BRINP1: variants seen among roughly 807,000 people sequenced by gnomAD.
BRINP1 encodes the protein BMP/retinoic acid-inducible neural-specific protein 1.
BRINP1 carries 17 observed loss-of-function variants against 72.9 expected under a neutral mutation model. That is an observed-to-expected ratio of 0.23 (90% CI 0.16 to 0.35). BRINP1 has a LOEUF of 0.35. BRINP1 is among the 10% of genes least tolerant of loss of function. BRINP1 has a pLI of 1.00. For synonymous variants in BRINP1, 418 were observed against 378.5 expected (o/e 1.10, Z -1.21); for missense variants, 850 against 1,001.6 (o/e 0.85, Z 2.04).
intron 5 of BRINP1, among the ~76,000 whole-genome samples, chr9:119,217,093 C>T (rs1294475666): frequency 2.0e-5 from 3 of 152,128 alleles, no homozygotes; most frequent in South Asian, 2.1e-4. Context: ...TCTACGGCAG[C>T]GGAGGTTCAC....
chr9:119,302,206 T>G (rs1337081334), intron 2 of BRINP1, among the ~76,000 whole-genome samples: 1 of 152,202 alleles, frequency 6.6e-6, no homozygotes, highest in Non-Finnish European at 1.5e-5. Context: ...AATACATTCC[T>G]TTCAATGTTA....
chr9:119,330,372 A>G (rs1329782019), intron 1 of BRINP1, among the ~76,000 whole-genome samples: 2 of 152,134 alleles, frequency 1.3e-5, no homozygotes, highest in African/African-American at 4.8e-5. Context: ...AACTTCTTAC[A>G]GTTGCCTCAA....
At chr9:119,271,827 C>A (rs1345699395) in intron 2 of BRINP1, among the ~76,000 whole-genome samples, 1 of 151,340 alleles carries the variant, frequency 6.6e-6, no homozygotes, top group Non-Finnish European at 1.5e-5. Flanking sequence ...AAATTTATTT[C>A]TGGAGAGAAT....
intron 1 of BRINP1, among the ~76,000 whole-genome samples, chr9:119,344,408 A>T (rs1831432057): frequency 6.6e-6 from 1 of 152,224 alleles, no homozygotes; most frequent in Non-Finnish European, 1.5e-5. Flanking sequence ...CTGCACTGTA[A>T]GCTCCTTAAA....
chr9:119,303,079 G>A (rs1830955954), intron 2 of BRINP1, among the ~76,000 whole-genome samples: 1 of 151,998 alleles, frequency 6.6e-6, no homozygotes, highest in Non-Finnish European at 1.5e-5. Flanking sequence ...CATATCATTT[G>A]TATTTACCTA....
At chr9:119,187,115 C>T (rs957852893) in intron 7 of BRINP1, among the ~76,000 whole-genome samples, 3 of 151,734 alleles carry the variant, frequency 2.0e-5, no homozygotes, top group Admixed American at 1.3e-4. Context: ...GCCTTGGAAT[C>T]GTAATCCTCT....
intron 4 of BRINP1, among the ~76,000 whole-genome samples, chr9:119,239,205 G>C (rs544909473): frequency 2.0e-5 from 3 of 152,292 alleles, no homozygotes; most frequent in African/African-American, 7.2e-5. Flanking sequence ...GACCAGGTAC[G>C]ATGGGTCTAA....
chr9:119,187,489 C>T (rs1417843759), intron 7 of BRINP1, among the ~76,000 whole-genome samples: 2 of 151,518 alleles, frequency 1.3e-5, no homozygotes, highest in African/African-American at 4.9e-5. Flanking sequence ...ATGATGGCTA[C>T]ACCAGTGCGC....
Position 119,178,810 on chromosome 9 carries a change from ACT to A in BRINP1, c.1146-10588_1146-10587del, listed in dbSNP as rs1829519530. Among the ~76,000 whole-genome samples the A allele has an allele frequency of 3.3e-5, 5 of 152,276 alleles. No individual in the cohort carries two copies. In the South Asian group the frequency reaches 1.0e-3, roughly 32 times the overall value. ...GTGATCTCAGATAAGTTATCAGTGC[ACT>A]CTCTTCTAGGTATCATAATGTAAAA... On this transcript the variant is annotated intron_variant, in intron 7 of 7. Transcript: ENST00000265922.
intron 7 of BRINP1, among the ~76,000 whole-genome samples, chr9:119,198,271 T>C (rs189876055): frequency 2.4e-3 from 359 of 152,364 alleles, no homozygotes; most frequent in Non-Finnish European, 4.2e-3. Flanking sequence ...CAACAAACTA[T>C]TGGTTCCAAT....
Position 119,313,117 on chromosome 9 carries a change from G to A in BRINP1, c.218+21C>T, listed in dbSNP as rs376319051. Reference sequence around the variant, plus strand: ...AGCATAATATGAATGTAAGGCAAGGGCTATTTAGCCCAGGTCTTACCTGTA... The same window carrying A: ...AGCATAATATGAATGTAAGGCAAGGACTATTTAGCCCAGGTCTTACCTGTA... On this transcript the variant is annotated intron_variant, in intron 2 of 7. Coordinates refer to ENST00000265922, the MANE Select transcript of BRINP1 (RefSeq NM_014618.3). 1.3e-3 allele frequency: 2,045 copies of A among 1,610,128 alleles called. 3 individuals are homozygous for A. Among genetic ancestry groups the A allele is most frequent in the Non-Finnish European group, 1.5e-3 (1,789 of 1,178,252 alleles).
intron 1 of BRINP1, among the ~76,000 whole-genome samples, chr9:119,365,029 C>G (rs1361688982): frequency 1.3e-5 from 2 of 152,172 alleles, no homozygotes; most frequent in Admixed American, 6.5e-5. Context: ...CTGTGTCAGT[C>G]CCTGGAATAC....
At chr9:119,225,450 A>G (rs1164113134) in intron 5 of BRINP1, among the ~76,000 whole-genome samples, 3 of 152,004 alleles carry the variant, frequency 2.0e-5, no homozygotes, top group African/African-American at 7.2e-5. Flanking sequence ...CGCTCCACAT[A>G]TCCTTTTTTA....
chr9:119,217,160 G>A (rs923819822), intron 5 of BRINP1, among the ~76,000 whole-genome samples: 3 of 152,182 alleles, frequency 2.0e-5, no homozygotes, highest in Non-Finnish European at 4.4e-5. Flanking sequence ...AAGAGGCCCA[G>A]TGCTGAACTC....
At chr9:119,225,853 T>G (rs771959237) in intron 5 of BRINP1, among the ~76,000 whole-genome samples, 2 of 152,114 alleles carry the variant, frequency 1.3e-5, no homozygotes, top group Admixed American at 1.3e-4. Context: ...CACTTAAAAA[T>G]GATTAAAGTG....
chr9:119,364,710 T>A (rs761747710), intron 1 of BRINP1, among the ~76,000 whole-genome samples: 2 of 152,222 alleles, frequency 1.3e-5, no homozygotes, highest in Non-Finnish European at 2.9e-5. Flanking sequence ...GGCTTCACTT[T>A]CCTCTTCTGT....
intron 2 of BRINP1, among the ~76,000 whole-genome samples, chr9:119,258,217 G>C (rs962989739): frequency 6.6e-6 from 1 of 152,092 alleles, no homozygotes; most frequent in African/African-American, 2.4e-5. Context: ...TCAGAGCAAT[G>C]GGGGTAAATA....
At chr9:119,268,243 AATAAATAG>A (rs1373929404) in intron 2 of BRINP1, among the ~76,000 whole-genome samples, 97 of 84,384 alleles carry the variant, frequency 1.1e-3, no homozygotes, top group African/African-American at 3.3e-3. Flanking sequence ...ACTCTGTCTC[AATAAATAG>A]ATAGATAGAT....
At chr9:119,318,256 A>G (rs1448737249) in intron 1 of BRINP1, among the ~76,000 whole-genome samples, 1 of 152,222 alleles carries the variant, frequency 6.6e-6, no homozygotes, top group Non-Finnish European at 1.5e-5. Context: ...CTGTAAACCC[A>G]TCTATATACA....
Sources: gnomAD v4.1 joint callset for allele counts (sites outside exome capture counted in the v4.1 genomes callset) on GRCh38, gnomAD v4.1.1 for gene constraint, MANE v1.5 for transcripts, NCBI Gene and HGNC (gene_info 2026-07-23, HGNC 2026-07-21) for gene names.